PCSK6: variants seen among roughly 807,000 people sequenced by gnomAD.
PCSK6 encodes the protein paired basic amino acid cleaving enzyme 4.
A neutral mutation model predicts 123.3 loss-of-function variants in PCSK6; 85 were observed. That is an observed-to-expected ratio of 0.69 (90% CI 0.58 to 0.83). PCSK6 has a LOEUF of 0.83. Among genes scored for constraint, PCSK6 ranks in the 40% least tolerant of loss-of-function variants. The pLI is 0.00. For synonymous variants in PCSK6, 508 were observed against 516.0 expected (o/e 0.98, Z 0.21); for missense variants, 1,191 against 1,282.3 (o/e 0.93, Z 1.09).
intron 13 of PCSK6, among the ~76,000 whole-genome samples, chr15:101,360,139 A>G (rs1208312910): frequency 2.0e-5 from 3 of 152,172 alleles, no homozygotes; most frequent in Admixed American, 6.5e-5. Context: ...TGCTTTCAGA[A>G]TCTGACTGCT....
intron 13 of PCSK6, among the ~76,000 whole-genome samples, chr15:101,339,752 A>C (rs946650862): frequency 6.6e-6 from 1 of 152,072 alleles, no homozygotes; most frequent in African/African-American, 2.4e-5. Flanking sequence ...CAAAAAATAA[A>C]ATAGAAAAAT....
intron 1 of PCSK6, among the ~76,000 whole-genome samples, chr15:101,461,862 A>G (rs1207384934): frequency 6.6e-6 from 1 of 152,186 alleles, no homozygotes; most frequent in African/African-American, 2.4e-5. Context: ...AGCAAATATC[A>G]ATCTTAATGT....
At chr15:101,307,541 A>C in intron 20 of PCSK6, 1 of 510,422 alleles carries the variant, frequency 2.0e-6, no homozygotes, top group African/African-American at 1.9e-5. Flanking sequence ...GGGAGGGCAG[A>C]GACAGCCATG....
intron 13 of PCSK6, among the ~76,000 whole-genome samples, chr15:101,337,963 A>T (rs2040520723): frequency 6.6e-6 from 1 of 152,212 alleles, no homozygotes; most frequent in African/African-American, 2.4e-5. Flanking sequence ...TACTTGATGC[A>T]GTCTGGATTA....
chr15:101,327,372 C>T (rs117316411), intron 15 of PCSK6, among the ~76,000 whole-genome samples: 3,050 of 152,278 alleles, frequency 0.02, 50 homozygotes, highest in Non-Finnish European at 0.029. Flanking sequence ...GGGCGGGGCA[C>T]GCTGCAGGGG....
chr15:101,307,416 C>A, intron 20 of PCSK6, 91 bp from the exon 21 acceptor site: 2 of 847,988 alleles, frequency 2.4e-6, no homozygotes, highest in Non-Finnish European at 3.8e-6. Context: ...CCTGCACCTC[C>A]TTCCCACCCC....
In PCSK6 at chr15:101,388,059, A is replaced by G. The variant is rs185450116; in HGVS notation, c.1310+1405T>C. 5.7e-3 allele frequency among the ~76,000 whole-genome samples: 872 copies of G among 152,300 alleles called. 4 individuals carry two copies. Among genetic ancestry groups the G allele is most frequent in the Middle Eastern group, 0.017 (5 of 294 alleles). On this transcript the variant is annotated intron_variant, in intron 9 of 21. Coordinates refer to ENST00000611716, the MANE Select transcript of PCSK6 (RefSeq NM_002570.5). ...AGTTTAAGGGGACAATGCGCCCCGG[A>G]GCAGGGTTTGTTTTCCATTTAGCTC... is the stretch of plus-strand genomic sequence containing the variant.
chr15:101,401,307 A>G (rs747040520), intron 6 of PCSK6, among the ~76,000 whole-genome samples: 44 of 152,348 alleles, frequency 2.9e-4, no homozygotes, highest in Middle Eastern at 3.4e-3. Context: ...TTGAAAGCCT[A>G]CTATGAGCAG....
chr15:101,348,105 C>A (rs917029674), intron 13 of PCSK6, among the ~76,000 whole-genome samples: 2 of 152,240 alleles, frequency 1.3e-5, no homozygotes, highest in Non-Finnish European at 2.9e-5. Flanking sequence ...GGCCTGATAC[C>A]AAGCCTCACC....
intron 6 of PCSK6, among the ~76,000 whole-genome samples, chr15:101,406,994 T>C (rs1250146527): frequency 6.6e-6 from 1 of 152,132 alleles, no homozygotes; most frequent in Non-Finnish European, 1.5e-5. Flanking sequence ...GTGGTCCATG[T>C]GTCTGGCGTC....
intron 15 of PCSK6, among the ~76,000 whole-genome samples, chr15:101,329,410 G>A (rs2040328251): frequency 6.6e-6 from 1 of 152,198 alleles, no homozygotes; most frequent in African/African-American, 2.4e-5. Flanking sequence ...GACCCGAGAG[G>A]CATGCAAGAC....
intron 6 of PCSK6, among the ~76,000 whole-genome samples, chr15:101,402,661 C>A (rs2042625610): frequency 6.6e-6 from 1 of 152,166 alleles, no homozygotes; most frequent in African/African-American, 2.4e-5. Context: ...CCAAAAGACA[C>A]ATGAAAAAAT....
chr15:101,365,118 C>T (rs1035619128), intron 13 of PCSK6: 19 of 649,398 alleles, frequency 2.9e-5, no homozygotes, highest in African/African-American at 2.5e-4. Context: ...GTTTGGACCC[C>T]TACCTCACAC....
Position 101,341,252 on chromosome 15 carries a change from T to TG in PCSK6, c.1859-9222_1859-9221insC, listed in dbSNP as rs2040600753. Among the ~76,000 whole-genome samples, 4 of 149,068 alleles carry TG rather than the reference T, an allele frequency of 2.7e-5. 1 individual carries two copies. In the Middle Eastern group the frequency reaches 0.014, roughly 518 times the overall value. ...GCGCCTGGCCAAAAGTGTGGGGTTT[T>TG]TTTTTTTTTTTTTCTTGACAAAGTC... is the stretch of plus-strand genomic sequence containing the variant. On this transcript the variant is annotated intron_variant, in intron 13 of 21. Transcript: ENST00000611716.
intron 13 of PCSK6, among the ~76,000 whole-genome samples, chr15:101,348,170 GA>G (rs2040789983): frequency 8.6e-6 from 1 of 116,018 alleles, no homozygotes; most frequent in African/African-American, 2.7e-5. Flanking sequence ...CGCTGGGTCG[GA>G]CCGGCCCCTG....
chr15:101,367,518 C>G (rs966645294), intron 12 of PCSK6, among the ~76,000 whole-genome samples: 1 of 152,178 alleles, frequency 6.6e-6, no homozygotes, highest in Non-Finnish European at 1.5e-5. Flanking sequence ...CCTGTGCTTT[C>G]TTCTAAGAAA....
At chr15:101,370,597 C>T (rs557279302) in intron 11 of PCSK6, 74 bp from the exon 12 acceptor site, 31 of 1,315,792 alleles carry the variant, frequency 2.4e-5, no homozygotes, top group African/African-American at 1.8e-4. Context: ...GGAGCTCCAG[C>T]GCCCGTCCAC....
chr15:101,324,909 T>A lies in PCSK6; in HGVS notation c.2318A>T (p.His773Leu). ...CACACAGGTGTTCATCTCCTGGTGGTGATAGAACCCGCGGCGGCAAGACAG... is the reference window on the plus strand; with the variant it reads ...CACACAGGTGTTCATCTCCTGGTGGAGATAGAACCCGCGGCGGCAAGACAG... ...QCLSCRRGFYHHQEMNTCVTL... is the reference protein window; with the variant it reads ...QCLSCRRGFYLHQEMNTCVTL... The change falls in exon 17 of 22, where the codon CAC becomes CTC. Residue 773 changes from histidine (H) to leucine (L), a missense_variant. Transcript: ENST00000611716. 1 of 1,613,582 alleles carries A rather than the reference T, an allele frequency of 6.2e-7. No individual in the cohort carries two copies. The highest frequency in any genetic ancestry group is 1.1e-5 in the South Asian group (1 of 91,080).
chr15:101,376,442 C>T (rs8036466), intron 11 of PCSK6, among the ~76,000 whole-genome samples: 20,826 of 152,186 alleles, frequency 0.14, 1,973 homozygotes, highest in East Asian at 0.46. Flanking sequence ...AGTGAATGAA[C>T]CAATGATCTA....
Sources: allele counts gnomAD v4.1 joint callset (sites outside exome capture counted in the v4.1 genomes callset), GRCh38; gene constraint gnomAD v4.1.1; transcripts MANE v1.5; gene names NCBI Gene and HGNC (gene_info 2026-07-23, HGNC 2026-07-21).